The following ACAN variants were observed in gnomAD, a reference collection of about 807,000 sequenced individuals.
ACAN encodes the protein aggrecan core protein.
ACAN carries 47 observed loss-of-function variants against 169.1 expected under a neutral mutation model. That is an observed-to-expected ratio of 0.28 (90% CI 0.22 to 0.35). ACAN has a LOEUF of 0.35. Among genes scored for constraint, ACAN ranks in the 10% least tolerant of loss-of-function variants. The pLI, the probability that ACAN is intolerant of heterozygous loss-of-function variation, is 1.00. For missense variants in ACAN, 2,716 were observed against 2,759.9 expected (o/e 0.98, Z 0.36); for synonymous variants, 1,115 against 1,112.2 (o/e 1.00, Z -0.05).
intron 13 of ACAN, among the ~76,000 whole-genome samples, chr15:88,865,460 C>T (rs1897264433): frequency 6.6e-6 from 1 of 151,840 alleles, no homozygotes; most frequent in Non-Finnish European, 1.5e-5. Flanking sequence ...GTTTTTACAT[C>T]TCAAACATGT....
In ACAN at chr15:88,869,292, A is replaced by C. The variant is rs1897330448; in HGVS notation, c.7060+963A>C. Among the ~76,000 whole-genome samples the C allele has an allele frequency of 6.6e-6, 1 of 152,246 alleles. No homozygotes were observed. Among genetic ancestry groups the C allele is most frequent in the African/African-American group, 2.4e-5 (1 of 41,468 alleles). ...CAATGAACTCTCAAGTTGGATACCC[A>C]GAAACTTCCAGAAGGCAGGTGAAAC... On this transcript the variant is annotated intron_variant, in intron 14 of 18. Transcript: ENST00000560601. The surrounding 1 kb of genome is among the most constrained non-coding windows in gnomAD (Gnocchi z 4.2).
intron 1 of ACAN, among the ~76,000 whole-genome samples, chr15:88,831,604 C>G (rs1393041399): frequency 6.6e-6 from 1 of 152,236 alleles, no homozygotes; most frequent in Non-Finnish European, 1.5e-5. Context: ...ACAGACACAG[C>G]AGCTACCTTG....
At chr15:88,859,451 A>T (rs1220228127) in intron 12 of ACAN, 34 bp downstream of exon 12, 1 of 1,551,406 alleles carries the variant, frequency 6.4e-7, no homozygotes, top group Non-Finnish European at 8.7e-7. Flanking sequence ...AAATGTGCTT[A>T]GGTAGTTCAG....
intron 1 of ACAN, among the ~76,000 whole-genome samples, chr15:88,811,148 T>A (rs144323995): frequency 0.016 from 2,455 of 152,260 alleles, 65 homozygotes; most frequent in African/African-American, 0.056. Context: ...GTGAAAAGGA[T>A]CTCATCCCTC....
chr15:88,820,901 TCA>T (rs1024304144), intron 1 of ACAN, among the ~76,000 whole-genome samples: 4 of 152,080 alleles, frequency 2.6e-5, no homozygotes, highest in Non-Finnish European at 4.4e-5. Context: ...TTTAAATGAC[TCA>T]CAGTTTAGCA....
chr15:88,810,025 A>G (rs1001595614), intron 1 of ACAN, among the ~76,000 whole-genome samples: 2 of 152,200 alleles, frequency 1.3e-5, no homozygotes, highest in Admixed American at 6.5e-5. Flanking sequence ...TTACAGAGTC[A>G]TGAAACACTG....
chr15:88,857,509 C>T lies in ACAN; in HGVS notation c.4924C>T (p.Pro1642Ser). 2 of 1,613,860 alleles carry T rather than the reference C, an allele frequency of 1.2e-6. No homozygotes were observed. Among genetic ancestry groups the T allele is most frequent in the South Asian group, 1.1e-5 (1 of 91,080 alleles). Residue 1642 changes from proline to serine, a missense_variant, in exon 12 of 19, where the codon CCA becomes TCA. Pro to Ser is a moderately conservative substitution (Grantham distance 74). Transcript: ENST00000560601. Reference protein sequence around the residue: ...EYSGVDLGSGPPSGLPDFSGL... With the variant: ...EYSGVDLGSGSPSGLPDFSGL... ...TTCTGGGGTGGACCTTGGAAGTGGC[C>T]CACCCTCTGGCCTGCCTGACTTTAG...
In ACAN at chr15:88,872,447, T is replaced by G. The variant is rs1288849414; in HGVS notation, c.7302+362T>G. On this transcript the variant is annotated intron_variant, in intron 16 of 18. Coordinates refer to ENST00000560601, the MANE Select transcript of ACAN (RefSeq NM_001369268.1). This position sits in a 1 kb window ranked among gnomAD's most constrained non-coding sequence, Gnocchi z 5.4. ...CCAAGTGAATGGTACGGGCACCCAG[T>G]GATTCTCTTTGTCCTGAAGCAAGGC... Among the ~76,000 whole-genome samples, 1 of 151,996 alleles carries G rather than the reference T, an allele frequency of 6.6e-6. No homozygotes were observed. The highest frequency in any genetic ancestry group is 2.4e-5 in the African/African-American group (1 of 41,380).
intron 12 of ACAN, among the ~76,000 whole-genome samples, chr15:88,860,072 CTTTTT>C (rs57985365): frequency 1.1e-4 from 11 of 102,892 alleles, no homozygotes; most frequent in African/African-American, 3.3e-4. Context: ...GCTGATTTTC[CTTTTT>C]TTTTTTTTTT....
chr15:88,831,524 A>T (rs974416097), intron 1 of ACAN, among the ~76,000 whole-genome samples: 3 of 152,200 alleles, frequency 2.0e-5, no homozygotes, highest in Non-Finnish European at 4.4e-5. Context: ...TTGTCCATTC[A>T]TTCATTCAGC....
At chr15:88,812,559 C>T (rs772939529) in intron 1 of ACAN, among the ~76,000 whole-genome samples, 1 of 152,212 alleles carries the variant, frequency 6.6e-6, no homozygotes, top group African/African-American at 2.4e-5. Context: ...TGGCCTCTCA[C>T]TTCCTTCAGG....
chr15:88,810,338 C>T (rs1199000657), intron 1 of ACAN, among the ~76,000 whole-genome samples: 1 of 151,888 alleles, frequency 6.6e-6, no homozygotes, highest in Non-Finnish European at 1.5e-5. Context: ...CTCGCTGTTT[C>T]CAGGGCTAAT....
Position 88,855,408 on chromosome 15 carries a change from T to C in ACAN, c.2823T>C (p.Ala941=). ...TPTVGELPSG[A]EILEGSASGV... ...CGGTTGGTGAACTGCCCTCTGGAGC[T>C]GAGATCCTAGAGGGCTCTGCCTCTG... Residue 941 remains alanine, a synonymous_variant, in exon 12 of 19, where the codon GCT becomes GCC. Coordinates refer to ENST00000560601, the MANE Select transcript of ACAN (RefSeq NM_001369268.1). The C allele has an allele frequency of 6.2e-7, 1 of 1,613,700 alleles. No individual in the cohort carries two copies. The highest frequency in any genetic ancestry group is 8.5e-7 in the Non-Finnish European group (1 of 1,179,772).
At position 88,811,343 on chromosome 15, in the gene ACAN, G is replaced by A. The variant is rs553509955; in HGVS notation, c.-8+7534G>A. Among the ~76,000 whole-genome samples, 16 of 152,252 alleles carry A rather than the reference G, an allele frequency of 1.1e-4. No individual in the cohort carries two copies. In the East Asian group the frequency reaches 1.2e-3, roughly 11 times the overall value. On this transcript the variant is annotated intron_variant, in intron 1 of 18. Transcript: ENST00000560601. ...CCTAAAAAGATGCTAATCTAGGCAC[G>A]GGCCCAGGTTGAGCCTGCAGCAGGA...
chr15:88,812,301 C>T (rs569306117), intron 1 of ACAN, among the ~76,000 whole-genome samples: 2 of 152,148 alleles, frequency 1.3e-5, no homozygotes, highest in Non-Finnish European at 2.9e-5. Flanking sequence ...ACTCCCACCC[C>T]CTCCTAAGTC....
rs113485175 is a variant in ACAN, at chr15:88,807,039, A to AT, written c.-8+3240dup. On this transcript the variant is annotated intron_variant, in intron 1 of 18. Transcript: ENST00000560601. The surrounding 1 kb of genome is among the most constrained non-coding windows in gnomAD (Gnocchi z 4.0). ...TGATATTTGCATATATTTTTATTTA[A>AT]TTTTTTTTTTACTATATTGGTCCCA... Among the ~76,000 whole-genome samples the AT allele has an allele frequency of 0.014, 2,165 of 150,476 alleles. 30 individuals are homozygous for AT. Among genetic ancestry groups the AT allele is most frequent in the South Asian group, 0.079 (374 of 4,740 alleles).
At chr15:88,825,616 A>C (rs1896195143) in intron 1 of ACAN, among the ~76,000 whole-genome samples, 1 of 152,250 alleles carries the variant, frequency 6.6e-6, no homozygotes, top group Admixed American at 6.5e-5. Flanking sequence ...CAGAGAGAGG[A>C]TGAAGAACAG....
intron 1 of ACAN, among the ~76,000 whole-genome samples, chr15:88,805,799 G>A (rs1895664684): frequency 6.6e-6 from 1 of 152,160 alleles, no homozygotes; most frequent in South Asian, 2.1e-4. Flanking sequence ...ATACTTAAAA[G>A]GGAATATTTT....
Position 88,874,788 on chromosome 15 carries a change from A to G in ACAN, c.*307A>G. ...CAGGGACCAGTGCAGGGACAGGGGG[A>G]GAAGGGGAGGGGTTAAGTTAAATAA... is the stretch of plus-strand genomic sequence containing the variant. On this transcript the variant is annotated 3_prime_UTR_variant, in exon 19 of 19. Coordinates refer to ENST00000560601, the MANE Select transcript of ACAN (RefSeq NM_001369268.1). This position sits in a 1 kb window ranked among gnomAD's most constrained non-coding sequence, Gnocchi z 7.3. The G allele has an allele frequency of 2.3e-6, 1 of 440,712 alleles. No homozygotes were observed. Among genetic ancestry groups the G allele is most frequent in the Non-Finnish European group, 4.2e-6 (1 of 235,786 alleles). The allele number at this position is 440,712 out of a possible 1,614,324, so 27.3% of individuals were successfully genotyped here. A position where few individuals can be genotyped will look rare whatever the true frequency, so the allele number is the denominator to read the frequency against.
Sources: allele counts gnomAD v4.1 joint callset (sites outside exome capture counted in the v4.1 genomes callset), GRCh38; gene constraint gnomAD v4.1.1; non-coding constraint Gnocchi (gnomAD v3.1); transcripts MANE v1.5; gene names NCBI Gene and HGNC (gene_info 2026-07-23, HGNC 2026-07-21).